Variants in NEB observed in about 807,000 individuals in gnomAD.
NEB encodes the protein nemaline myopathy type 2.
A neutral mutation model predicts 952.2 loss-of-function variants in NEB; 512 were observed. The ratio of observed to expected loss-of-function variants is 0.54; its 90% CI spans 0.50 to 0.58. The LOEUF (loss-of-function observed/expected upper bound fraction) is 0.58. NEB is among the 20% of genes least tolerant of loss of function. The pLI, the probability that NEB is intolerant of heterozygous loss-of-function variation, is 0.00. For synonymous variants in NEB, 2,900 were observed against 3,149.8 expected (o/e 0.92, Z 2.66); for missense variants, 8,428 against 9,231.1 (o/e 0.91, Z 3.56).
At chr2:151,492,343 A>T (rs1309017865) in intron 177 of NEB, 44 bp downstream of exon 177, 32 of 1,590,260 alleles carry the variant, frequency 2.0e-5, no homozygotes, top group Non-Finnish European at 2.7e-5. Context: ...CTTTTTACAC[A>T]TTCTGACAGG....
intron 153 of NEB, 58 bp downstream of exon 153, chr2:151,524,253 T>C: frequency 7.1e-7 from 1 of 1,412,428 alleles, no homozygotes; most frequent in Non-Finnish European, 1.0e-6. Context: ...CACTTCTTCC[T>C]GCAAGGTCTT....
At chr2:151,718,539 G>A (rs964938418) in intron 9 of NEB, among the ~76,000 whole-genome samples, 1 of 152,086 alleles carries the variant, frequency 6.6e-6, no homozygotes, top group African/African-American at 2.4e-5. Context: ...CTCTTTCATA[G>A]AGTGAAGAAA....
chr2:151,522,251 T>C (rs1437432239), intron 153 of NEB, among the ~76,000 whole-genome samples: 1 of 152,186 alleles, frequency 6.6e-6, no homozygotes, highest in African/African-American at 2.4e-5. Context: ...TTCTAAAGAC[T>C]GAAGAACAGT....
At chr2:151,640,306 G>A (rs1560842002) in intron 61 of NEB, 49 bp downstream of exon 61, 1 of 1,591,666 alleles carries the variant, frequency 6.3e-7, no homozygotes, top group Non-Finnish European at 8.6e-7. Context: ...TCCAAGGGGT[G>A]TTAAATAATT....
At chr2:151,638,277 G>A (rs2098799578) in intron 63 of NEB, among the ~76,000 whole-genome samples, 1 of 152,220 alleles carries the variant, frequency 6.6e-6, no homozygotes, top group African/African-American at 2.4e-5. Context: ...GAGGTCATAT[G>A]TCCAGAAGAG....
intron 3 of NEB, among the ~76,000 whole-genome samples, chr2:151,730,616 G>GAA (rs869176689): frequency 5.6e-5 from 7 of 124,244 alleles, no homozygotes; most frequent in Non-Finnish European, 7.8e-5. Flanking sequence ...ATTTCTTAGT[G>GAA]AAAAAAAAAA....
Position 151,616,076 on chromosome 2 carries a change from T to C in NEB, c.11215A>G (p.Lys3739Glu), listed in dbSNP as rs267598922. The C allele has an allele frequency of 6.2e-7, 1 of 1,613,010 alleles. No homozygotes were observed. Among genetic ancestry groups the C allele is most frequent in the Admixed American group, 1.7e-5 (1 of 59,908 alleles). ...TCCAGACGCAAGTCATAGCCTTCCT[T>C]CTTGGACTCTTCCAAAGCAAGTTTA... Reference protein sequence around the residue: ...LYKLALEESKKEGYDLRLDAI... With the variant: ...LYKLALEESKEEGYDLRLDAI... The change falls in exon 76 of 182, where the codon AAG becomes GAG. Residue 3739 changes from lysine (K) to glutamate (E), a missense_variant. Transcript: ENST00000397345.
intron 13 of NEB, among the ~76,000 whole-genome samples, chr2:151,705,175 A>G (rs2099700093): frequency 6.6e-6 from 1 of 152,124 alleles, no homozygotes; most frequent in Non-Finnish European, 1.5e-5. Context: ...TCAAAATTAT[A>G]TATATATATA....
rs200664592 is a variant in NEB at position 151,687,690 on chromosome 2, A to C, written c.2459T>G (p.Phe820Cys). 9.4e-6 allele frequency: 15 copies of C among 1,603,220 alleles called. No homozygotes were observed. In the African/African-American group the frequency reaches 1.7e-4, roughly 19 times the overall value. The change falls in exon 26 of 182, where the codon TTT becomes TGT. Residue 820 changes from phenylalanine (F) to cysteine (C), a missense_variant. This residue lies in a region of NEB where 2,851 missense variants were observed against 2,791.5 expected (regional missense o/e 1.02). Coordinates refer to ENST00000397345, the MANE Select transcript of NEB (RefSeq NM_001164508.2). ...QDWEKSKAKK[F>C]DIKVDAIPLL... Reference sequence around the variant, plus strand: ...GGGAATGGCGTCCACTTTAATGTCAAACTTCTTGGCTTTGCTCTTCTCCCA... The same window carrying C: ...GGGAATGGCGTCCACTTTAATGTCACACTTCTTGGCTTTGCTCTTCTCCCA...
chr2:151,563,753 A>C (rs1306429992), intron 118 of NEB, 34 bp from the exon 119 acceptor site: 1 of 1,605,152 alleles, frequency 6.2e-7, no homozygotes, highest in East Asian at 2.2e-5. Flanking sequence ...GAATCGCTGG[A>C]GTTTCCTAAC....
intron 48 of NEB, among the ~76,000 whole-genome samples, chr2:151,656,858 G>A (rs564453666): frequency 4.1e-5 from 6 of 146,502 alleles, no homozygotes; most frequent in Admixed American, 1.3e-4. Flanking sequence ...AAAAAAAAAA[G>A]GCAAAAAAAC....
At chr2:151,676,173 A>C (rs2099357776) in intron 34 of NEB, among the ~76,000 whole-genome samples, 1 of 152,230 alleles carries the variant, frequency 6.6e-6, no homozygotes, top group South Asian at 2.1e-4. Context: ...AAAATCTGAC[A>C]TGGCTAATAG....
chr2:151,627,217 A>G lies in NEB; in HGVS notation c.10144-12T>C. ...GATTTGTAAATGTTCTGGAGAGATT[A>G]AACACAAAAGCGAGTATTACTGAAG... On this transcript the variant is annotated splice_polypyrimidine_tract_variant and intron_variant, in intron 69 of 181. Transcript: ENST00000397345. 1 of 1,608,200 alleles carries G rather than the reference A, an allele frequency of 6.2e-7. No individual in the cohort carries two copies. The highest frequency in any genetic ancestry group is 8.5e-7 in the Non-Finnish European group (1 of 1,175,698).
At chr2:151,527,198 C>A (rs2086732903) in intron 147 of NEB, among the ~76,000 whole-genome samples, 176 bp from the exon 148 acceptor site, 1 of 152,132 alleles carries the variant, frequency 6.6e-6, no homozygotes, top group South Asian at 2.1e-4. Context: ...TTCAGCCTAG[C>A]TGCCAGGACC....
At chr2:151,504,691 G>GTCTT (rs1161025302) in intron 165 of NEB, among the ~76,000 whole-genome samples, 1 of 152,154 alleles carries the variant, frequency 6.6e-6, no homozygotes, top group African/African-American at 2.4e-5. Context: ...ACTTCACATA[G>GTCTT]TCTTTTGCTA....
At chr2:151,693,007 T>G (rs1011266019) in intron 20 of NEB, among the ~76,000 whole-genome samples, 3 of 152,080 alleles carry the variant, frequency 2.0e-5, no homozygotes, top group African/African-American at 7.2e-5. Context: ...GTTTAAGAAT[T>G]GATGCAAAAT....
chr2:151,719,310 A>T (rs1309679432), intron 9 of NEB, among the ~76,000 whole-genome samples: 1 of 152,176 alleles, frequency 6.6e-6, no homozygotes, highest in Admixed American at 6.5e-5. Context: ...TCTCAAGAGG[A>T]GAATTATCTT....
intron 23 of NEB, among the ~76,000 whole-genome samples, 190 bp downstream of exon 23, chr2:151,691,673 GA>G (rs1426727929): frequency 1.3e-5 from 2 of 152,164 alleles, no homozygotes; most frequent in Non-Finnish European, 2.9e-5. Flanking sequence ...ATAAAAATCT[GA>G]AATTTTGTAG....
intron 5 of NEB, among the ~76,000 whole-genome samples, chr2:151,727,415 C>T (rs954435956): frequency 3.3e-5 from 5 of 152,114 alleles, no homozygotes; most frequent in African/African-American, 1.2e-4. Flanking sequence ...TCTAGATTGG[C>T]TAATAGTGAT....
Sources: gnomAD v4.1 joint callset for allele counts (sites outside exome capture counted in the v4.1 genomes callset) on GRCh38, gnomAD v4.1.1 for gene constraint, gnomAD v4.1.1 regional missense constraint, MANE v1.5 for transcripts, NCBI Gene and HGNC (gene_info 2026-07-23, HGNC 2026-07-21) for gene names.